Variants in TBX19 observed in about 807,000 individuals in gnomAD.
TBX19 encodes the protein T-box transcription factor TBX19.
A neutral mutation model predicts 40.9 loss-of-function variants in TBX19; 33 were observed. The ratio of observed to expected loss-of-function variants is 0.81; its 90% confidence interval spans 0.61 to 1.08. TBX19 has a LOEUF of 1.08. Ranked by LOEUF, TBX19 falls within the 50% of genes least tolerant of loss-of-function variation. TBX19 has a pLI of 0.00. For missense variants in TBX19, 494 were observed against 574.0 expected (o/e 0.86, Z 1.42); for synonymous variants, 220 against 225.0 (o/e 0.98, Z 0.20).
At chr1:168,309,637 G>A (rs180948782) in intron 7 of TBX19, among the ~76,000 whole-genome samples, 77 of 152,216 alleles carry the variant, frequency 5.1e-4, no homozygotes, top group African/African-American at 1.8e-3. Context: ...GTGTAGCATG[G>A]GGGACCCCAT....
At chr1:168,311,447 T>C (rs1344386849) in intron 7 of TBX19, among the ~76,000 whole-genome samples, 5 of 152,094 alleles carry the variant, frequency 3.3e-5, no homozygotes, top group Non-Finnish European at 5.9e-5. Context: ...CTTCTGAAGA[T>C]TGGGGCCAGA....
At chr1:168,304,597 G>A (rs1291558430) in intron 5 of TBX19, among the ~76,000 whole-genome samples, 4 of 152,174 alleles carry the variant, frequency 2.6e-5, no homozygotes, top group African/African-American at 9.7e-5. Context: ...CTCCTAGCCT[G>A]GTAGTCTTTC....
At position 168,291,209 on chromosome 1, in the gene TBX19, G is replaced by A; in HGVS notation, c.253G>A (p.Ala85Thr). The A allele has an allele frequency of 6.2e-7, 1 of 1,614,200 alleles. No homozygotes were observed. The highest frequency in any genetic ancestry group is 8.5e-7 in the Non-Finnish European group (1 of 1,180,038). Residue 85 changes from alanine to threonine, a missense_variant, in exon 2 of 8, where the codon GCC becomes ACC. Coordinates refer to ENST00000367821, the MANE Select transcript of TBX19 (RefSeq NM_005149.3). ...TAGTGTCACAGGGTTGGACCCCAAT[G>A]CCATGTACTCCCTCCTGCTGGACTT... ...KISVTGLDPN[A>T]MYSLLLDFVP... is the part of the protein sequence containing the mutation.
At chr1:168,282,018 T>C (rs766464497) in intron 1 of TBX19, among the ~76,000 whole-genome samples, 3 of 152,210 alleles carry the variant, frequency 2.0e-5, no homozygotes, top group Non-Finnish European at 4.4e-5. Context: ...GTCCAGGTAA[T>C]ATTAGAAGAT....
intron 6 of TBX19, 178 bp from the exon 7 acceptor site, chr1:168,308,560 ATGGT>A (rs1649457402): frequency 2.9e-6 from 2 of 689,776 alleles, no homozygotes; most frequent in South Asian, 3.6e-5. Flanking sequence ...CACCTGGCAT[ATGGT>A]TGACATTGAG....
chr1:168,294,797 CG>C (rs1199743786), intron 3 of TBX19, among the ~76,000 whole-genome samples: 1 of 152,072 alleles, frequency 6.6e-6, no homozygotes, highest in Non-Finnish European at 1.5e-5. Flanking sequence ...CCACCGTGCC[CG>C]GCCCTTTATT....
chr1:168,311,950 A>AC (rs1572485408), intron 7 of TBX19, among the ~76,000 whole-genome samples: 2 of 149,066 alleles, frequency 1.3e-5, no homozygotes, highest in African/African-American at 2.5e-5. Flanking sequence ...TACTTTAAAA[A>AC]CCCCCCCTAG....
rs183737051 is a variant in TBX19 at position 168,313,041 on chromosome 1, A to C, written c.*39A>C. The C allele has an allele frequency of 6.2e-7, 1 of 1,611,844 alleles. No individual in the cohort carries two copies. The highest frequency in any genetic ancestry group is 8.5e-7 in the Non-Finnish European group (1 of 1,178,442). On this transcript the variant is annotated 3_prime_UTR_variant, in exon 8 of 8. Coordinates refer to ENST00000367821, the MANE Select transcript of TBX19 (RefSeq NM_005149.3). ...AGCCTCTTTGCACAGCGATCCTTCC[A>C]TGTGTAGAGTGCTTAGAAACCCCAT... is the stretch of plus-strand genomic sequence containing the variant.
In TBX19 at chr1:168,312,981, T is replaced by C; in HGVS notation, c.1326T>C (p.Ser442=). ...GCCCAGGAGCGGGTGGGCACCATTC[T>C]CCTTCCTCACTGGATGGTTAAGCAG... ...WGGPGAGGHH[S]PSSLDG is the part of the protein sequence containing the mutation. The change falls in exon 8 of 8, where the codon TCT becomes TCC. Residue 442 remains serine, a synonymous_variant. Coordinates refer to ENST00000367821, the MANE Select transcript of TBX19 (RefSeq NM_005149.3). The C allele has an allele frequency of 6.2e-7, 1 of 1,614,174 alleles. No individual in the cohort carries two copies.
At chr1:168,308,898 T>C (rs1451281485) in intron 7 of TBX19, 21 bp downstream of exon 7, 1 of 1,614,028 alleles carries the variant, frequency 6.2e-7, no homozygotes, top group South Asian at 1.1e-5. Context: ...CACCATCAAC[T>C]CGCTCATTGG....
intron 6 of TBX19, among the ~76,000 whole-genome samples, chr1:168,306,350 G>A (rs1267671124): frequency 3.3e-5 from 5 of 152,124 alleles, no homozygotes; most frequent in South Asian, 2.1e-4. Context: ...TTTCAGGGCC[G>A]GGAGCGGTGG....
intron 3 of TBX19, among the ~76,000 whole-genome samples, chr1:168,294,976 T>A (rs900032053): frequency 3.5e-4 from 53 of 152,282 alleles, no homozygotes; most frequent in African/African-American, 1.1e-3. Flanking sequence ...TTTGTCATCT[T>A]TGACACTCTA....
At chr1:168,302,470 T>C (rs1283649373) in intron 5 of TBX19, among the ~76,000 whole-genome samples, 1 of 152,152 alleles carries the variant, frequency 6.6e-6, no homozygotes, top group East Asian at 1.9e-4. Flanking sequence ...CCCCATCCAC[T>C]GATCCCTTAG....
intron 3 of TBX19, 82 bp downstream of exon 3, chr1:168,293,360 G>C (rs965166497): frequency 1.7e-5 from 24 of 1,422,118 alleles, no homozygotes; most frequent in Non-Finnish European, 2.2e-5. Flanking sequence ...CAGGATGGGC[G>C]GGGGGGGTCC....
intron 5 of TBX19, among the ~76,000 whole-genome samples, chr1:168,304,115 C>T (rs1035919685): frequency 7.2e-5 from 11 of 152,188 alleles, no homozygotes; most frequent in African/African-American, 2.7e-4. Flanking sequence ...CTGGTTCAAA[C>T]ACCTCTGACA....
intron 2 of TBX19, 108 bp from the exon 3 acceptor site, chr1:168,293,036 A>C: frequency 1.9e-6 from 3 of 1,580,724 alleles, no homozygotes; most frequent in Non-Finnish European, 2.6e-6. Flanking sequence ...GTGTGTCCCT[A>C]ACCGGGGTGG....
Position 168,313,480 on chromosome 1 carries a change from A to G in TBX19, c.*478A>G, listed in dbSNP as rs1449108996. On this transcript the variant is annotated 3_prime_UTR_variant, in exon 8 of 8. Coordinates refer to ENST00000367821, the MANE Select transcript of TBX19 (RefSeq NM_005149.3). ...GAGACCAGGATGGGGTGTAAGCCAT[A>G]GAGTAAGGTTAACAAAAAGAATAAA... is the stretch of plus-strand genomic sequence containing the variant. 4.8e-6 allele frequency: 1 copy of G among 207,844 alleles called. No homozygotes were observed. The highest frequency in any genetic ancestry group is 9.8e-6 in the Non-Finnish European group (1 of 102,490). The allele number at this position is 207,844 out of a possible 1,614,324, so 12.9% of individuals were successfully genotyped here. A position where few individuals can be genotyped will look rare whatever the true frequency, so the allele number is the denominator to read the frequency against.
chr1:168,303,708 G>A (rs1362164321), intron 5 of TBX19, among the ~76,000 whole-genome samples: 2 of 152,106 alleles, frequency 1.3e-5, no homozygotes, highest in African/African-American at 2.4e-5. Context: ...TACAGGGGGT[G>A]GATTATTCAT....
Position 168,308,814 on chromosome 1 carries a change from C to A in TBX19, c.989C>A (p.Ser330Tyr). ...SGPDSWTSLSSTPHASILSVP... is the reference protein window; with the variant it reads ...SGPDSWTSLSYTPHASILSVP... ...CCTGACAGCTGGACTTCCTTATCCT[C>A]CACACCCCATGCCAGCATCCTGTCT... is the stretch of plus-strand genomic sequence containing the variant. The change falls in exon 7 of 8, where the codon TCC (serine) becomes TAC (tyrosine). Residue 330 changes from serine (S) to tyrosine (Y), a missense_variant. By Grantham distance (144) the Ser-to-Tyr change is moderately radical (BLOSUM62 -2). This residue lies in a region of TBX19 where 284 missense variants were observed against 307.3 expected (regional missense o/e 0.92). Coordinates refer to ENST00000367821, the MANE Select transcript of TBX19 (RefSeq NM_005149.3). 2 of 1,614,130 alleles carry A rather than the reference C, an allele frequency of 1.2e-6. No homozygotes were observed. Among genetic ancestry groups the A allele is most frequent in the Non-Finnish European group, 1.7e-6 (2 of 1,180,024 alleles).
Sources: allele counts gnomAD v4.1 joint callset (sites outside exome capture counted in the v4.1 genomes callset), GRCh38; gene constraint gnomAD v4.1.1; regional missense constraint gnomAD v4.1.1; transcripts MANE v1.5; gene names NCBI Gene and HGNC (gene_info 2026-07-23, HGNC 2026-07-21).